Variants in DDX10 observed in about 807,000 individuals in gnomAD.
The protein encoded by DDX10 is probable ATP-dependent RNA helicase DDX10.
A neutral mutation model predicts 104.3 loss-of-function variants in DDX10; 74 were observed. That is an observed-to-expected ratio of 0.71 (90% CI 0.59 to 0.86). The LOEUF (loss-of-function observed/expected upper bound fraction) is 0.86, where lower values mean the gene tolerates loss of function less well. Ranked by LOEUF, DDX10 falls within the 40% of genes least tolerant of loss-of-function variation. The pLI is 0.00. For synonymous variants in DDX10, 351 were observed against 353.4 expected (o/e 0.99, Z 0.08); for missense variants, 952 against 1,040.0 (o/e 0.92, Z 1.16).
intron 16 of DDX10, among the ~76,000 whole-genome samples, chr11:108,912,955 G>C (rs999892067): frequency 1.3e-5 from 2 of 152,060 alleles, no homozygotes; most frequent in Non-Finnish European, 2.9e-5. Flanking sequence ...CCCCCTCCCT[G>C]CTTCAAGTTG....
chr11:108,897,602 C>A (rs752886890), intron 16 of DDX10, among the ~76,000 whole-genome samples: 7 of 152,072 alleles, frequency 4.6e-5, no homozygotes, highest in Middle Eastern at 3.4e-3. Context: ...GATGGAGTGG[C>A]GTTCTTTGCA....
chr11:108,688,752 TTTAAA>T (rs1380798741), intron 6 of DDX10, among the ~76,000 whole-genome samples, 179 bp from the exon 7 acceptor site: 1 of 152,236 alleles, frequency 6.6e-6, no homozygotes, highest in Non-Finnish European at 1.5e-5. Flanking sequence ...TTGAATGTGT[TTTAAA>T]GTAATGTGTT....
intron 11 of DDX10, among the ~76,000 whole-genome samples, chr11:108,719,019 G>A (rs779478953): frequency 6.7e-6 from 1 of 150,146 alleles, no homozygotes; most frequent in Non-Finnish European, 1.5e-5. Context: ...ACCTAGATGA[G>A]TTTTGTTATC....
intron 1 of DDX10, among the ~76,000 whole-genome samples, chr11:108,671,793 A>G (rs2094217363): frequency 6.6e-6 from 1 of 152,108 alleles, no homozygotes; most frequent in South Asian, 2.1e-4. Flanking sequence ...TTTAAAGAAT[A>G]TGGCGCCTGT....
intron 17 of DDX10, among the ~76,000 whole-genome samples, chr11:108,935,030 G>A (rs115067127): frequency 1.3e-3 from 191 of 152,176 alleles, no homozygotes; most frequent in African/African-American, 4.4e-3. Flanking sequence ...AACCCTAACC[G>A]TCATTATTTT....
chr11:108,676,503 T>C (rs1441201146), intron 3 of DDX10, among the ~76,000 whole-genome samples: 3 of 152,156 alleles, frequency 2.0e-5, no homozygotes, highest in South Asian at 2.1e-4. Flanking sequence ...TGGAGTGCAG[T>C]GGTGCAATCT....
intron 15 of DDX10, among the ~76,000 whole-genome samples, chr11:108,842,652 G>T (rs2134597044): frequency 6.6e-6 from 1 of 152,318 alleles, no homozygotes; most frequent in South Asian, 2.1e-4. Context: ...AAACGTACTG[G>T]TTGTAATTGT....
At chr11:108,841,604 G>A (rs1862639807) in intron 15 of DDX10, 128 bp downstream of exon 15, 1 of 887,898 alleles carries the variant, frequency 1.1e-6, no homozygotes, top group African/African-American at 1.7e-5. Context: ...TTCTTTTTCT[G>A]TGGCTACTCT....
At chr11:108,857,762 C>T (rs1003523818) in intron 16 of DDX10, among the ~76,000 whole-genome samples, 2 of 152,194 alleles carry the variant, frequency 1.3e-5, no homozygotes, top group East Asian at 1.9e-4. Context: ...CTTTATATGA[C>T]GCTGAAGCGT....
intron 16 of DDX10, among the ~76,000 whole-genome samples, chr11:108,883,615 T>C (rs1863256715): frequency 6.6e-6 from 1 of 152,196 alleles, no homozygotes; most frequent in Admixed American, 6.5e-5. Flanking sequence ...TGATTTCCCT[T>C]TATAGTAAAA....
At chr11:108,808,370 G>A (rs138914044) in intron 13 of DDX10, among the ~76,000 whole-genome samples, 1 of 151,890 alleles carries the variant, frequency 6.6e-6, no homozygotes, top group East Asian at 1.9e-4. Flanking sequence ...GGGAAATATT[G>A]GATGATAGTA....
At chr11:108,761,213 C>T (rs986076692) in intron 13 of DDX10, among the ~76,000 whole-genome samples, 4 of 152,072 alleles carry the variant, frequency 2.6e-5, no homozygotes, top group Non-Finnish European at 5.9e-5. Flanking sequence ...AGAACCAGGG[C>T]ATGAGCGGAT....
intron 16 of DDX10, among the ~76,000 whole-genome samples, chr11:108,917,109 A>G (rs956814329): frequency 4.6e-5 from 7 of 151,442 alleles, no homozygotes; most frequent in Non-Finnish European, 1.0e-4. Flanking sequence ...TCCATCACCC[A>G]AGCTGGCATG....
intron 16 of DDX10, among the ~76,000 whole-genome samples, chr11:108,897,729 A>G (rs1411364371): frequency 6.6e-6 from 1 of 152,044 alleles, no homozygotes; most frequent in Non-Finnish European, 1.5e-5. Flanking sequence ...CCATGACACT[A>G]ATATATGTCT....
At chr11:108,857,393 C>T (rs576756709) in intron 16 of DDX10, among the ~76,000 whole-genome samples, 1 of 152,228 alleles carries the variant, frequency 6.6e-6, no homozygotes, top group East Asian at 1.9e-4. Flanking sequence ...TAAAAGGTTA[C>T]CCCTTTCATG....
chr11:108,864,534 G>A (rs549872832), intron 16 of DDX10, among the ~76,000 whole-genome samples: 6 of 151,906 alleles, frequency 3.9e-5, no homozygotes, highest in Admixed American at 6.6e-5. Flanking sequence ...GTACAGTGGC[G>A]TGATCTTGGC....
At chr11:108,873,194 A>G (rs1863105539) in intron 16 of DDX10, among the ~76,000 whole-genome samples, 1 of 152,202 alleles carries the variant, frequency 6.6e-6, no homozygotes, top group South Asian at 2.1e-4. Flanking sequence ...CTTTTATTAG[A>G]GTAAAAAATT....
intron 13 of DDX10, among the ~76,000 whole-genome samples, chr11:108,793,591 T>G (rs766696053): frequency 5.3e-5 from 8 of 152,246 alleles, no homozygotes; most frequent in Non-Finnish European, 1.0e-4. Flanking sequence ...AACATATATT[T>G]CCAACTGTGA....
chr11:108,703,540 G>T (rs1349581692), intron 9 of DDX10, among the ~76,000 whole-genome samples: 1 of 152,134 alleles, frequency 6.6e-6, no homozygotes, highest in Non-Finnish European at 1.5e-5. Flanking sequence ...ATGTTGGCCA[G>T]GATGGTCTCG....
Sources: gnomAD v4.1 joint callset for allele counts (sites outside exome capture counted in the v4.1 genomes callset) on GRCh38, gnomAD v4.1.1 for gene constraint, MANE v1.5 for transcripts, NCBI Gene and HGNC (gene_info 2026-07-23, HGNC 2026-07-21) for gene names.